LANCL2: variants seen among roughly 807,000 people sequenced by gnomAD.
LANCL2 encodes lanC-like protein 2.
In LANCL2, 33 loss-of-function variants were observed where a neutral mutation model predicts 56.9. The ratio of observed to expected loss-of-function variants is 0.58; its 90% CI spans 0.44 to 0.78. The LOEUF (loss-of-function observed/expected upper bound fraction) is 0.78. LANCL2 is among the 30% of genes least tolerant of loss of function. The pLI is 0.00. For synonymous variants in LANCL2, 233 were observed against 228.2 expected (o/e 1.02, Z -0.19); for missense variants, 562 against 580.2 (o/e 0.97, Z 0.32).
rs558260159 is a variant in LANCL2 at position 55,396,874 on chromosome 7, A to G, written c.323-1549A>G. The stretch of plus-strand genomic sequence containing the variant: ...TCATTTGTAAGCCTTTATAGTGATT[A>G]TTATGTTTGAAATTTGTAAGTATTT... On this transcript the variant is annotated intron_variant, in intron 2 of 8. Coordinates refer to ENST00000254770, the MANE Select transcript of LANCL2 (RefSeq NM_018697.4). 8.5e-5 allele frequency: 13 copies of G among 152,316 alleles called. No individual in the cohort carries two copies. In the South Asian group the frequency reaches 2.7e-3, roughly 32 times the overall value. The allele number at this position is 152,316 out of a possible 1,614,324, so 9.4% of individuals were successfully genotyped here. A position where few individuals can be genotyped will look rare whatever the true frequency, so the allele number is the denominator to read the frequency against.
chr7:55,390,271 G>A (rs1790171628), intron 1 of LANCL2, among the ~76,000 whole-genome samples: 1 of 152,082 alleles, frequency 6.6e-6, no homozygotes, highest in Non-Finnish European at 1.5e-5. Context: ...TAGTCATAAG[G>A]GGAAACCTCC....
At chr7:55,368,255 A>G (rs561063881) in intron 1 of LANCL2, among the ~76,000 whole-genome samples, 1 of 152,350 alleles carries the variant, frequency 6.6e-6, no homozygotes, top group East Asian at 1.9e-4. Context: ...TTGTATCTGG[A>G]TAAATGTGAT....
At chr7:55,373,106 G>A (rs374644841) in intron 1 of LANCL2, among the ~76,000 whole-genome samples, 12 of 152,124 alleles carry the variant, frequency 7.9e-5, no homozygotes, top group South Asian at 6.2e-4. Flanking sequence ...CTCCAGATTC[G>A]TAAGTTTATG....
chr7:55,419,961 T>A (rs1272274755), intron 6 of LANCL2, among the ~76,000 whole-genome samples: 4 of 152,196 alleles, frequency 2.6e-5, no homozygotes, highest in Non-Finnish European at 5.9e-5. Flanking sequence ...AAGACCAACC[T>A]GGGCAACATA....
chr7:55,410,881 T>TA (rs763190026), intron 5 of LANCL2, among the ~76,000 whole-genome samples: 8 of 151,920 alleles, frequency 5.3e-5, no homozygotes, highest in Non-Finnish European at 1.0e-4. Flanking sequence ...TGTGTCACCC[T>TA]AAAGATGTGA....
At chr7:55,410,289 A>T (rs907591490) in intron 5 of LANCL2, among the ~76,000 whole-genome samples, 39 of 152,246 alleles carry the variant, frequency 2.6e-4, no homozygotes, top group African/African-American at 9.2e-4. Flanking sequence ...GCCTTTTGGA[A>T]ATAAACTTAA....
chr7:55,366,264 G>C (rs759261384), intron 1 of LANCL2, 35 bp downstream of exon 1: 1 of 1,437,904 alleles, frequency 7.0e-7, no homozygotes, highest in African/African-American at 1.5e-5. Context: ...GGCGCCGGAG[G>C]GGGAGCGCGG....
At chr7:55,391,505 A>G (rs1057448536) in intron 1 of LANCL2, among the ~76,000 whole-genome samples, 1 of 149,734 alleles carries the variant, frequency 6.7e-6, no homozygotes, top group African/African-American at 2.5e-5. Flanking sequence ...AAATGTTTAT[A>G]TAGTTAAATC....
At chr7:55,381,793 A>G (rs1342662429) in intron 1 of LANCL2, among the ~76,000 whole-genome samples, 4 of 152,238 alleles carry the variant, frequency 2.6e-5, no homozygotes, top group African/African-American at 4.8e-5. Flanking sequence ...TAACAAACCC[A>G]GCTTATATCT....
intron 1 of LANCL2, among the ~76,000 whole-genome samples, chr7:55,371,376 A>G (rs1219393817): frequency 6.6e-6 from 1 of 152,140 alleles, no homozygotes; most frequent in African/African-American, 2.4e-5. Context: ...GACAGGTACC[A>G]CCATGCCCAA....
At chr7:55,371,763 T>C (rs151196270) in intron 1 of LANCL2, among the ~76,000 whole-genome samples, 1 of 152,336 alleles carries the variant, frequency 6.6e-6, no homozygotes, top group East Asian at 1.9e-4. Flanking sequence ...TGCTTCAGTT[T>C]ATAATTATTT....
chr7:55,366,355 A>G lies in LANCL2; in HGVS notation c.204+126A>G, dbSNP rs1033442727. On this transcript the variant is annotated intron_variant, in intron 1 of 8. Coordinates refer to ENST00000254770, the MANE Select transcript of LANCL2 (RefSeq NM_018697.4). ...GGGAGGGCGCGGGATGATAGCGCCT[A>G]GCACCTGTCTCCGGGCCTTCCCGAT... 4 of 769,936 alleles carry G rather than the reference A, an allele frequency of 5.2e-6. No individual in the cohort carries two copies. The South Asian group carries it at 6.3e-5, about 12-fold the overall frequency. 47.7% of individuals were successfully genotyped at this position (769,936 alleles called of 1,614,324 possible).
At chr7:55,366,594 G>C (rs1189313166) in intron 1 of LANCL2, among the ~76,000 whole-genome samples, 1 of 152,144 alleles carries the variant, frequency 6.6e-6, no homozygotes, top group Non-Finnish European at 1.5e-5. Flanking sequence ...CTGCTCCTCA[G>C]AAGTGGCCTG....
chr7:55,393,542 A>G (rs549303135), intron 2 of LANCL2, among the ~76,000 whole-genome samples: 301 of 139,250 alleles, frequency 2.2e-3, no homozygotes, highest in African/African-American at 7.9e-3. Context: ...AAAAAGAAAA[A>G]AACAAGCAAA....
At chr7:55,420,369 GGATATTTTCATC>G (rs1456326421) in intron 6 of LANCL2, among the ~76,000 whole-genome samples, 13 of 152,122 alleles carry the variant, frequency 8.5e-5, no homozygotes, top group African/African-American at 3.1e-4. Context: ...AGAATTGTGT[GGATATTTTCATC>G]GATTTCTGAT....
chr7:55,375,220 T>TTA (rs1403219054), intron 1 of LANCL2, among the ~76,000 whole-genome samples: 2 of 152,248 alleles, frequency 1.3e-5, no homozygotes, highest in African/African-American at 2.4e-5. Context: ...TGTCAAATCT[T>TTA]TAAAGTTTTC....
chr7:55,416,864 T>C (rs1790545328), intron 6 of LANCL2, among the ~76,000 whole-genome samples: 1 of 152,120 alleles, frequency 6.6e-6, no homozygotes, highest in Admixed American at 6.5e-5. Context: ...TCAGGTTATA[T>C]AGATAATACT....
rs367972677 is a variant in LANCL2 at position 55,366,125 on chromosome 7, G to A, written c.100G>A (p.Ala34Thr). 105 of 1,544,494 alleles carry A rather than the reference G, an allele frequency of 6.8e-5. No homozygotes were observed. In the African/African-American group the frequency reaches 1.3e-3, roughly 20 times the overall value. ...FVNPFPDYEAAAGALLASGAA... is the reference protein window; with the variant it reads ...FVNPFPDYEATAGALLASGAA... The stretch of plus-strand genomic sequence containing the variant: ...CAACCCCTTCCCGGACTACGAGGCC[G>A]CCGCCGGGGCGCTGCTCGCCTCCGG... The change falls in exon 1 of 9, where the codon GCC (alanine) becomes ACC (threonine). Residue 34 changes from alanine to threonine, a missense_variant. This residue lies in a region of LANCL2 where 184 missense variants were observed against 111.8 expected (regional missense o/e 1.65). Transcript: ENST00000254770.
chr7:55,412,261 G>A (rs571876303), intron 6 of LANCL2, among the ~76,000 whole-genome samples, 172 bp downstream of exon 6: 7 of 152,310 alleles, frequency 4.6e-5, no homozygotes, highest in Admixed American at 3.9e-4. Flanking sequence ...ACTGTCATTA[G>A]TGCTGCAAGT....
Sources: gnomAD v4.1 joint callset for allele counts (sites outside exome capture counted in the v4.1 genomes callset) on GRCh38, gnomAD v4.1.1 for gene constraint, gnomAD v4.1.1 regional missense constraint, MANE v1.5 for transcripts, NCBI Gene and HGNC (gene_info 2026-07-23, HGNC 2026-07-21) for gene names.